FRMPD4: variants seen among roughly 807,000 people sequenced by gnomAD.
FRMPD4 encodes FERM and PDZ domain-containing protein 4.
In FRMPD4, 22 loss-of-function variants were observed where a neutral mutation model predicts 94.1. The ratio of observed to expected loss-of-function variants is 0.23; its 90% confidence interval spans 0.17 to 0.33. The LOEUF is 0.33. Among genes scored for constraint, FRMPD4 ranks in the 10% least tolerant of loss-of-function variants. The pLI, the probability that FRMPD4 is intolerant of heterozygous loss-of-function variation, is 1.00. For missense variants in FRMPD4, 1,111 were observed against 1,339.9 expected, an observed-to-expected ratio of 0.83 and a Z score of 2.67; for synonymous variants, 631 against 548.6, an observed-to-expected ratio of 1.15 and a Z score of -2.10.
At chrX:12,451,378 G>A (rs1310066299) in intron 1 of FRMPD4, among the ~76,000 whole-genome samples, 1 of 111,671 alleles carries the variant, frequency 9.0e-6, no homozygotes, top group Non-Finnish European at 1.9e-5. Context: ...ATCTCTTTTG[G>A]TCTTTCATGG....
chrX:11,851,539 T>C (rs2053622069), intron 1 of FRMPD4, among the ~76,000 whole-genome samples: 1 of 111,560 alleles, frequency 9.0e-6, no homozygotes, highest in Non-Finnish European at 1.9e-5. Flanking sequence ...CCAAATAGTA[T>C]CCCATTTTAA....
intron 3 of FRMPD4, among the ~76,000 whole-genome samples, chrX:12,046,107 A>C (rs1021832115): frequency 9.0e-6 from 1 of 111,401 alleles, no homozygotes; most frequent in Non-Finnish European, 1.9e-5. Flanking sequence ...GACTGTTTAG[A>C]GTCACAAGGA....
intron 1 of FRMPD4, among the ~76,000 whole-genome samples, chrX:12,300,188 C>T (rs1308047839): frequency 9.0e-6 from 1 of 111,382 alleles, no homozygotes; most frequent in Non-Finnish European, 1.9e-5. Flanking sequence ...GACACTGGCC[C>T]AGAGGGGCTA....
intron 2 of FRMPD4, among the ~76,000 whole-genome samples, chrX:12,527,745 G>A (rs1282826606): frequency 1.8e-5 from 2 of 111,707 alleles, no homozygotes; most frequent in African/African-American, 3.2e-5. Context: ...GCTCAATGAC[G>A]ACAATGCCTA....
chrX:12,592,839 A>G (rs1386470751), intron 2 of FRMPD4, among the ~76,000 whole-genome samples: 2 of 112,333 alleles, frequency 1.8e-5, no homozygotes, highest in Non-Finnish European at 3.8e-5. Flanking sequence ...TAATGCCTCT[A>G]TTGAAAAGGG....
At chrX:12,413,556 G>C (rs2056761760) in intron 1 of FRMPD4, among the ~76,000 whole-genome samples, 2 of 112,144 alleles carry the variant, frequency 1.8e-5, no homozygotes, top group African/African-American at 6.5e-5. Flanking sequence ...AGTCTGGTTT[G>C]AGAGCCTGCA....
At chrX:12,104,077 A>G (rs1286799992) in intron 3 of FRMPD4, among the ~76,000 whole-genome samples, 4 of 112,305 alleles carry the variant, frequency 3.6e-5, no homozygotes, top group Non-Finnish European at 1.9e-5. Context: ...CAAGACAGAG[A>G]AAAAATGCGG....
chrX:12,652,865 C>T (rs1308088374), intron 4 of FRMPD4, among the ~76,000 whole-genome samples: 1 of 111,835 alleles, frequency 8.9e-6, no homozygotes, highest in Non-Finnish European at 1.9e-5. Flanking sequence ...ACTGGTACAC[C>T]GTCACTTTCA....
intron 2 of FRMPD4, among the ~76,000 whole-genome samples, chrX:12,531,213 C>T (rs943955402): frequency 1.7e-4 from 19 of 112,390 alleles, no homozygotes; most frequent in African/African-American, 4.8e-4. Flanking sequence ...ATCATATTAA[C>T]ATTGTGGAAA....
intron 2 of FRMPD4, among the ~76,000 whole-genome samples, chrX:12,525,026 ATTC>A: frequency 9.0e-6 from 1 of 111,457 alleles, no homozygotes; most frequent in Non-Finnish European, 1.9e-5. Flanking sequence ...GCCCAAGATA[ATTC>A]TTCTTCTTCC....
At chrX:12,475,083 C>A (rs746922503) in intron 1 of FRMPD4, among the ~76,000 whole-genome samples, 2 of 111,761 alleles carry the variant, frequency 1.8e-5, no homozygotes, top group East Asian at 5.6e-4. Context: ...GGCAAACTGA[C>A]TCCAGCAGCA....
intron 2 of FRMPD4, among the ~76,000 whole-genome samples, chrX:12,506,595 G>C (rs1046545194): frequency 1.3e-4 from 15 of 112,410 alleles, no homozygotes; most frequent in African/African-American, 4.8e-4. Flanking sequence ...CCTATTTAAT[G>C]ACATTTCATA....
At chrX:12,541,456 C>A (rs1391454340) in intron 2 of FRMPD4, among the ~76,000 whole-genome samples, 11 of 111,856 alleles carry the variant, frequency 9.8e-5, no homozygotes, top group Admixed American at 1.9e-4. Context: ...AGAATACTAT[C>A]AACACCTCTA....
At chrX:12,392,092 G>C (rs1005952511) in intron 1 of FRMPD4, among the ~76,000 whole-genome samples, 1 of 109,231 alleles carries the variant, frequency 9.2e-6, no homozygotes, top group African/African-American at 3.3e-5. Flanking sequence ...GCAGTGCAGT[G>C]GTGCAATCTT....
intron 1 of FRMPD4, among the ~76,000 whole-genome samples, chrX:12,422,446 A>T (rs762520013): frequency 8.9e-6 from 1 of 112,401 alleles, no homozygotes; most frequent in Non-Finnish European, 1.9e-5. Flanking sequence ...TGTTCAAACA[A>T]TCCTAGTTTA....
intron 1 of FRMPD4, among the ~76,000 whole-genome samples, chrX:12,268,988 T>G (rs1021169449): frequency 1.8e-5 from 2 of 112,423 alleles, no homozygotes; most frequent in African/African-American, 6.5e-5. Context: ...CTGTGAATAT[T>G]TGAAATATCT....
intron 1 of FRMPD4, among the ~76,000 whole-genome samples, chrX:12,278,028 A>G (rs1569215678): frequency 1.8e-5 from 2 of 112,717 alleles, no homozygotes; most frequent in South Asian, 7.4e-4. Flanking sequence ...AGCTATTCCC[A>G]AATTCAGACC....
At chrX:12,003,107 C>A (rs1569140621) in intron 3 of FRMPD4, among the ~76,000 whole-genome samples, 1 of 111,855 alleles carries the variant, frequency 8.9e-6, no homozygotes, top group Non-Finnish European at 1.9e-5. Context: ...ACACAAGCTA[C>A]AATGACTCAG....
chrX:12,647,067 C>T (rs749486705), intron 4 of FRMPD4, among the ~76,000 whole-genome samples: 27 of 111,598 alleles, frequency 2.4e-4, no homozygotes, highest in Admixed American at 1.9e-4. Flanking sequence ...ATTCTTGAAC[C>T]GCTCAAAATG....
Sources: allele counts gnomAD v4.1 joint callset (sites outside exome capture counted in the v4.1 genomes callset), GRCh38; gene constraint gnomAD v4.1.1; transcripts MANE v1.5; gene names NCBI Gene and HGNC (gene_info 2026-07-23, HGNC 2026-07-21).